NAV2: variants seen among roughly 807,000 people sequenced by gnomAD.
The protein encoded by NAV2 is neuron navigator 2, also known as helicase, APC down-regulated 1.
NAV2 carries 54 observed loss-of-function variants against 223.2 expected under a neutral mutation model. The ratio of observed to expected loss-of-function variants is 0.24; its 90% confidence interval spans 0.19 to 0.30. The LOEUF (loss-of-function observed/expected upper bound fraction) is 0.30. Ranked by LOEUF, NAV2 falls within the 10% of genes least tolerant of loss-of-function variation. The probability of loss-of-function intolerance (pLI) is 1.00; values close to 1 mark genes in which losing one functional copy is unlikely to be tolerated. For missense variants in NAV2, 2,806 were observed against 3,147.5 expected (o/e 0.89, Z 2.60); for synonymous variants, 1,279 against 1,239.3 (o/e 1.03, Z -0.67).
In NAV2 at chr11:19,595,733, A is replaced by T. The variant is rs559067852; in HGVS notation, c.76-236751A>T. Among the ~76,000 whole-genome samples the T allele has an allele frequency of 9.4e-3, 1,427 of 151,042 alleles. 39 individuals carry two copies. The highest frequency in any genetic ancestry group is 0.033 in the African/African-American group (1,365 of 41,074). On this transcript the variant is annotated intron_variant, in intron 1 of 37. Coordinates refer to the NAV2 transcript ENST00000360655. ...CCATGAAGGCTAATTAAAAAAAAAA[A>T]ATTTTTTTTTTAGTGATGGGGTCTC...
chr11:19,389,867 G>A lies in NAV2; in HGVS notation c.75+38840G>A, dbSNP rs185674154. ...CTCTTCATGGTGAAGGACTGGCCAG[G>A]TTCCTACATTGCTTCTCAGCTGTCA... On this transcript the variant is annotated intron_variant, in intron 1 of 37. Transcript: ENST00000360655. Among the ~76,000 whole-genome samples, 57 of 152,322 alleles carry A rather than the reference G, an allele frequency of 3.7e-4. 1 individual carries two copies. Among genetic ancestry groups the A allele is most frequent in the Admixed American group, 3.4e-3 (52 of 15,308 alleles).
chr11:20,053,997 T>G (rs1386912549), intron 17 of NAV2, 83 bp from the exon 18 acceptor site: 2 of 1,357,128 alleles, frequency 1.5e-6, no homozygotes, highest in African/African-American at 3.0e-5. Context: ...GTTTTCTTTT[T>G]ATATATTTAC....
chr11:19,587,820 A>G (rs1406788024), intron 1 of NAV2, among the ~76,000 whole-genome samples: 1 of 152,236 alleles, frequency 6.6e-6, no homozygotes, highest in Non-Finnish European at 1.5e-5. Flanking sequence ...CACCAACACA[A>G]TAGAAATTTA....
chr11:20,100,869 G>A lies in NAV2; in HGVS notation c.6182-68G>A. On this transcript the variant is annotated intron_variant, in intron 31 of 37. Transcript: ENST00000349880. ...ATCACCTCAGGTCTTGGCAGTCCCA[G>A]TTAGGCAAGCACAGAGAGCTGCCTT... 3 of 1,393,190 alleles carry A rather than the reference G, an allele frequency of 2.2e-6. No homozygotes were observed. The South Asian group carries it at 3.6e-5, about 17-fold the overall frequency. 86.3% of individuals were successfully genotyped at this position (1,393,190 alleles called of 1,614,324 possible).
At chr11:20,051,187 A>G in intron 16 of NAV2, 102 bp from the exon 17 acceptor site, 1 of 909,916 alleles carries the variant, frequency 1.1e-6, no homozygotes, top group Admixed American at 1.8e-5. Context: ...GGTGATGTGC[A>G]CCTCTTTCTC....
Position 19,933,406 on chromosome 11 carries a change from C to G in NAV2, c.1162C>G (p.Pro388Ala). ...PPGPEAPRPTPEAMKPAPNNQ... is the reference protein window; with the variant it reads ...PPGPEAPRPTAEAMKPAPNNQ... ...TGGGCCTGAGGCCCCCAGGCCCACA[C>G]CTGAAGCCATGAAGCCGGCCCCCAA... The change falls in exon 7 of 38, where the codon CCT becomes GCT. Residue 388 changes from proline (P) to alanine (A), a missense_variant. Around this residue, in one of 4 missense-constraint regions of NAV2, gnomAD observed 1,167 missense variants for 1,180.5 expected, o/e 0.99. Transcript: ENST00000349880. The surrounding 1 kb of genome is among the most constrained non-coding windows in gnomAD (Gnocchi z 4.3). 6.3e-7 allele frequency: 1 copy of G among 1,582,714 alleles called. No homozygotes were observed. The highest frequency in any genetic ancestry group is 8.6e-7 in the Non-Finnish European group (1 of 1,164,454).
chr11:19,676,572 T>G (rs115443027), intron 1 of NAV2, among the ~76,000 whole-genome samples: 40 of 152,324 alleles, frequency 2.6e-4, no homozygotes, highest in African/African-American at 9.1e-4. Flanking sequence ...TTTCCGGCCT[T>G]CCCTAGCTGT....
chr11:19,906,269 A>T (rs1245635027), intron 6 of NAV2, among the ~76,000 whole-genome samples: 1 of 152,174 alleles, frequency 6.6e-6, no homozygotes, highest in East Asian at 1.9e-4. Flanking sequence ...AGGCCCTTTG[A>T]GGCCTAAGCT....
Position 19,939,801 on chromosome 11 carries a change from T to C in NAV2, c.2146+28T>C, listed in dbSNP as rs200653922. ...GAGTATGGAGCCTCAGAAATCTGTGTCTGTTGGTGATGAGGCCTTCCACGC... is the reference window on the plus strand; with the variant it reads ...GAGTATGGAGCCTCAGAAATCTGTGCCTGTTGGTGATGAGGCCTTCCACGC... On this transcript the variant is annotated intron_variant, in intron 8 of 37. Coordinates refer to ENST00000349880, the MANE Select transcript of NAV2 (RefSeq NM_145117.5). 180 of 1,576,438 alleles carry C rather than the reference T, an allele frequency of 1.1e-4. 1 individual carries two copies. The highest frequency in any genetic ancestry group is 1.7e-4 in the Admixed American group (10 of 59,358).
At chr11:19,832,407 C>T (rs143687722) in intron 1 of NAV2, 77 bp from the exon 2 acceptor site, 87 of 1,110,914 alleles carry the variant, frequency 7.8e-5, no homozygotes, top group Non-Finnish European at 1.1e-4. Context: ...GCCACTGTGC[C>T]GGCCCGAGCA....
intron 25 of NAV2, chr11:20,082,496 G>C: frequency 8.0e-7 from 1 of 1,252,592 alleles, no homozygotes; most frequent in Non-Finnish European, 1.2e-6. Context: ...TGTTGTGTCT[G>C]AAAGTCCGAA....
chr11:19,753,804 G>T (rs1000683356), intron 1 of NAV2, among the ~76,000 whole-genome samples: 1 of 152,228 alleles, frequency 6.6e-6, no homozygotes, highest in African/African-American at 2.4e-5. Flanking sequence ...CCCATGGAGA[G>T]CTCCTTTAAG....
intron 37 of NAV2, among the ~76,000 whole-genome samples, chr11:20,117,255 T>C (rs2063187901): frequency 1.3e-5 from 2 of 152,238 alleles, no homozygotes; most frequent in South Asian, 4.1e-4. Context: ...ACCCGTAGTA[T>C]GTAAACAAGG....
intron 1 of NAV2, 64 bp downstream of exon 1, chr11:19,714,026 G>A: frequency 3.2e-6 from 5 of 1,581,416 alleles, no homozygotes; most frequent in Non-Finnish European, 4.3e-6. Context: ...TTTCGGGATG[G>A]TGTGGGAGAA....
chr11:19,895,214 G>T (rs2041877233), intron 6 of NAV2, among the ~76,000 whole-genome samples: 1 of 140,280 alleles, frequency 7.1e-6, no homozygotes, highest in Non-Finnish European at 1.5e-5. Flanking sequence ...TTACAAGTGT[G>T]CAACACCATG....
intron 16 of NAV2, among the ~76,000 whole-genome samples, chr11:20,050,554 A>G (rs1447951402): frequency 1.3e-5 from 2 of 150,760 alleles, no homozygotes; most frequent in Non-Finnish European, 3.0e-5. Flanking sequence ...CATAACAAAC[A>G]GATGTTGTCT....
At chr11:19,735,777 G>A (rs989158420) in intron 1 of NAV2, among the ~76,000 whole-genome samples, 1 of 152,212 alleles carries the variant, frequency 6.6e-6, no homozygotes, top group Non-Finnish European at 1.5e-5. Context: ...GGGAGCTGGT[G>A]TGACTGTTTC....
intron 4 of NAV2, among the ~76,000 whole-genome samples, chr11:19,876,121 G>A (rs770874867): frequency 6.6e-6 from 1 of 152,232 alleles, no homozygotes; most frequent in Admixed American, 6.5e-5. Context: ...CATCTCCCGG[G>A]TTCAAGCGAT....
At chr11:19,863,062 C>T (rs1053774174) in intron 3 of NAV2, among the ~76,000 whole-genome samples, 3 of 152,126 alleles carry the variant, frequency 2.0e-5, no homozygotes, top group Non-Finnish European at 4.4e-5. Context: ...TTGTGACCAG[C>T]CTAGAAGCCA....
Sources: allele counts gnomAD v4.1 joint callset (sites outside exome capture counted in the v4.1 genomes callset), GRCh38; gene constraint gnomAD v4.1.1; regional missense constraint gnomAD v4.1.1; non-coding constraint Gnocchi (gnomAD v3.1); transcripts MANE v1.5; gene names NCBI Gene and HGNC (gene_info 2026-07-23, HGNC 2026-07-21).